The following SAXO1 variants were observed in gnomAD, a reference collection of about 807,000 sequenced individuals.
SAXO1 encodes the protein stabilizer of axonemal microtubules 1.
SAXO1 carries 21 observed loss-of-function variants against 17.5 expected under a neutral mutation model. The observed-to-expected ratio is 1.20, with a 90% CI of 0.85 to 1.72. SAXO1 has a LOEUF of 1.72. SAXO1 is among the 40% of genes most tolerant of loss of function. SAXO1 has a pLI of 0.00. For missense variants in SAXO1, 843 were observed against 596.0 expected (o/e 1.41, Z -4.32); for synonymous variants, 274 against 216.5 (o/e 1.27, Z -2.33).
At position 19,000,179 on chromosome 9, in the gene SAXO1, T is replaced by G. The variant is rs373970861; in HGVS notation, c.38+32692A>C. Among the ~76,000 whole-genome samples the G allele has an allele frequency of 2.0e-5, 3 of 149,232 alleles. No homozygotes were observed. The South Asian group carries it at 6.4e-4, about 32-fold the overall frequency. On this transcript the variant is annotated intron_variant, in intron 1 of 3. Coordinates refer to ENST00000380534, the MANE Select transcript of SAXO1 (RefSeq NM_153707.4). ...GCACCTCTGCCTGGCCGCCACCCTG[T>G]CTGGGAAGTGAGGAGCGCCTCCACC...
chr9:18,940,756 C>T (rs1486898675), intron 3 of SAXO1, among the ~76,000 whole-genome samples: 1 of 152,176 alleles, frequency 6.6e-6, no homozygotes, highest in Non-Finnish European at 1.5e-5. Flanking sequence ...GCTAGCAAAA[C>T]ACATATGACC....
intron 3 of SAXO1, among the ~76,000 whole-genome samples, chr9:18,936,308 G>C (rs1831285957): frequency 6.6e-6 from 1 of 152,146 alleles, no homozygotes; most frequent in South Asian, 2.1e-4. Flanking sequence ...GAAAGCATTA[G>C]GGGGCCTTGG....
intron 2 of SAXO1, among the ~76,000 whole-genome samples, chr9:18,946,449 C>A (rs552003981): frequency 6.6e-6 from 1 of 152,004 alleles, no homozygotes; most frequent in East Asian, 1.9e-4. Flanking sequence ...GGGGTAGATT[C>A]CAAGCTAAAG....
chr9:19,002,558 C>T (rs1420788821), intron 1 of SAXO1, among the ~76,000 whole-genome samples: 1 of 152,208 alleles, frequency 6.6e-6, no homozygotes, highest in Non-Finnish European at 1.5e-5. Flanking sequence ...ATCAAGTCAG[C>T]TTCATCCCTG....
chr9:19,022,588 G>A (rs1028635772), intron 1 of SAXO1, among the ~76,000 whole-genome samples: 1 of 152,102 alleles, frequency 6.6e-6, no homozygotes, highest in Non-Finnish European at 1.5e-5. Flanking sequence ...CCATTATGGG[G>A]AAAGATAGTG....
At chr9:19,012,802 T>C (rs1406718442) in intron 1 of SAXO1, among the ~76,000 whole-genome samples, 1 of 152,236 alleles carries the variant, frequency 6.6e-6, no homozygotes, top group Non-Finnish European at 1.5e-5. Context: ...TCATTCTAAA[T>C]AAATTGGCAT....
chr9:18,980,556 G>C lies in SAXO1; in HGVS notation c.39-29619C>G, dbSNP rs184454975. ...GGGGAGGGAGGGAGGGAGGGAAGAG[G>C]AAGAAGAGGAGGAGGAGGAGGAGGA... On this transcript the variant is annotated intron_variant, in intron 1 of 3. Transcript: ENST00000380534. Among the ~76,000 whole-genome samples the C allele has an allele frequency of 3.2e-3, 369 of 117,066 alleles. 6 individuals carry two copies. In the South Asian group the frequency reaches 0.044, roughly 14 times the overall value. The allele number at this position is 117,066 out of a possible 152,430, so 76.8% of individuals were successfully genotyped here. A position where few individuals can be genotyped will look rare whatever the true frequency, so the allele number is the denominator to read the frequency against.
At chr9:19,022,863 C>A (rs1267620563) in intron 1 of SAXO1, among the ~76,000 whole-genome samples, 1 of 152,084 alleles carries the variant, frequency 6.6e-6, no homozygotes, top group East Asian at 1.9e-4. Flanking sequence ...CTGGTAAAGA[C>A]AATAAAACAG....
intron 1 of SAXO1, among the ~76,000 whole-genome samples, chr9:18,985,678 C>T (rs1008113903): frequency 9.9e-5 from 15 of 152,226 alleles, no homozygotes; most frequent in African/African-American, 3.6e-4. Context: ...TGAGAGCACG[C>T]AGAGCCACCA....
At chr9:19,017,897 G>A (rs1165848002) in intron 1 of SAXO1, among the ~76,000 whole-genome samples, 1 of 152,220 alleles carries the variant, frequency 6.6e-6, no homozygotes, top group Non-Finnish European at 1.5e-5. Flanking sequence ...GCTGTGCACA[G>A]TGGCTCACGC....
At position 19,027,203 on chromosome 9, in the gene SAXO1, G is replaced by C; in HGVS notation, c.38+5668C>G. The C allele has an allele frequency of 2.5e-6, 3 of 1,186,234 alleles. No individual in the cohort carries two copies. In the South Asian group the frequency reaches 3.6e-5, roughly 14 times the overall value. 73.5% of individuals were successfully genotyped at this position (1,186,234 alleles called of 1,614,324 possible). On this transcript the variant is annotated intron_variant, in intron 1 of 3. Transcript: ENST00000380534. ...ACCTGGACTCCCAGAGGAAGGACAA[G>C]TGTGCTGTGATCAAAACCTCTACAC...
chr9:18,951,136 G>C (rs1019603230), intron 1 of SAXO1, among the ~76,000 whole-genome samples, 199 bp from the exon 2 acceptor site: 2 of 152,134 alleles, frequency 1.3e-5, no homozygotes, highest in African/African-American at 4.8e-5. Context: ...ACTACAATTG[G>C]TTAATAAAAA....
chr9:18,985,904 TAAAC>T (rs1490773360), intron 1 of SAXO1, among the ~76,000 whole-genome samples: 3 of 152,270 alleles, frequency 2.0e-5, no homozygotes, highest in African/African-American at 7.2e-5. Flanking sequence ...GTCAATAAAT[TAAAC>T]AAAGTTTATT....
chr9:18,964,203 G>A (rs1046487933), intron 1 of SAXO1, among the ~76,000 whole-genome samples: 2 of 152,184 alleles, frequency 1.3e-5, no homozygotes, highest in Non-Finnish European at 2.9e-5. Flanking sequence ...TTGTATTAAC[G>A]TTCATCAGGG....
chr9:19,028,647 G>A (rs1194164002), intron 1 of SAXO1, among the ~76,000 whole-genome samples: 1 of 152,118 alleles, frequency 6.6e-6, no homozygotes, highest in Non-Finnish European at 1.5e-5. Context: ...AGAATATTAT[G>A]ACATTCTATG....
At chr9:18,959,923 T>C (rs1321057565) in intron 1 of SAXO1, among the ~76,000 whole-genome samples, 1 of 152,162 alleles carries the variant, frequency 6.6e-6, no homozygotes, top group Non-Finnish European at 1.5e-5. Flanking sequence ...GGGACTTTCA[T>C]CAGCAGCAAT....
chr9:18,970,063 C>T (rs1655313153), intron 1 of SAXO1, among the ~76,000 whole-genome samples: 1 of 152,176 alleles, frequency 6.6e-6, no homozygotes, highest in Non-Finnish European at 1.5e-5. Context: ...GTTGTATGGC[C>T]TCTGCCTTAC....
At chr9:18,935,744 C>A (rs1333757598) in intron 3 of SAXO1, among the ~76,000 whole-genome samples, 1 of 152,194 alleles carries the variant, frequency 6.6e-6, no homozygotes, top group Non-Finnish European at 1.5e-5. Flanking sequence ...AGCACTGCAG[C>A]CTCAGACTAA....
At chr9:18,934,932 CTTGT>C (rs909123994) in intron 3 of SAXO1, among the ~76,000 whole-genome samples, 1 of 151,530 alleles carries the variant, frequency 6.6e-6, no homozygotes, top group African/African-American at 2.4e-5. Context: ...TTTTAATTTG[CTTGT>C]TTGTTTTGAG....
Sources: gnomAD v4.1 joint callset for allele counts (sites outside exome capture counted in the v4.1 genomes callset) on GRCh38, gnomAD v4.1.1 for gene constraint, MANE v1.5 for transcripts, NCBI Gene and HGNC (gene_info 2026-07-23, HGNC 2026-07-21) for gene names.